The following ELFN1 variants were observed in gnomAD, a reference collection of about 807,000 sequenced individuals.
ELFN1 encodes protein ELFN1.
ELFN1 carries 6 observed loss-of-function variants against 7.6 expected under a neutral mutation model. The observed-to-expected ratio is 0.79, with a 90% CI of 0.43 to 1.56. ELFN1 has a LOEUF of 1.56. ELFN1 is among the 40% of genes most tolerant of loss of function. ELFN1 has a pLI of 0.01. For missense variants in ELFN1, 1,169 were observed against 1,232.2 expected (o/e 0.95, Z 0.77); for synonymous variants, 657 against 588.1 (o/e 1.12, Z -1.70).
intron 2 of ELFN1, chr7:1,693,585 C>T: frequency 2.1e-6 from 1 of 471,220 alleles, no homozygotes; most frequent in Non-Finnish European, 4.4e-6. Context: ...TGCACATCTG[C>T]AGAGGGGTCG....
intron 3 of ELFN1, among the ~76,000 whole-genome samples, chr7:1,729,837 A>T (rs56055450): frequency 0.14 from 21,394 of 152,208 alleles, 1,915 homozygotes; most frequent in South Asian, 0.26. Context: ...CTGAGATTGC[A>T]GTTTATTCAT....
At chr7:1,732,902 T>C (rs1780353724) in intron 3 of ELFN1, among the ~76,000 whole-genome samples, 1 of 152,066 alleles carries the variant, frequency 6.6e-6, no homozygotes, top group South Asian at 2.1e-4. Context: ...TCATTTTTCT[T>C]TTCTTTTTTC....
At chr7:1,675,908 G>A (rs973773629) in intron 1 of ELFN1, among the ~76,000 whole-genome samples, 5 of 152,194 alleles carry the variant, frequency 3.3e-5, no homozygotes, top group African/African-American at 9.7e-5. Context: ...CTGCCATCTC[G>A]ACCTCCACGG....
At chr7:1,668,912 TG>T (rs1470546261), upstream of ELFN1, among the ~76,000 whole-genome samples, 3 of 152,140 alleles carry the variant, frequency 2.0e-5, no homozygotes. Flanking sequence ...CATGAAATCG[TG>T]GGGGCGCACT....
intron 3 of ELFN1, among the ~76,000 whole-genome samples, chr7:1,720,270 AAGACGAAGATGGGAACAGCCGGTGGGC>A (rs1366847861): frequency 1.1e-4 from 16 of 152,178 alleles, no homozygotes; most frequent in Non-Finnish European, 2.2e-4. Context: ...CTCCAGTGGG[AAGACGAAGATGGGAACAGCCGGTGGGC>A]AGACGTCTCC....
At chr7:1,666,178 G>T (rs1778668222), upstream of ELFN1, among the ~76,000 whole-genome samples, 1 of 151,950 alleles carries the variant, frequency 6.6e-6, no homozygotes, top group South Asian at 2.1e-4. This position sits in a 1 kb window ranked among gnomAD's most constrained non-coding sequence, Gnocchi z 7.9. Flanking sequence ...CAGGTAAGAA[G>T]GGGCCTGAGG....
At chr7:1,698,898 C>A (rs753875614) in intron 2 of ELFN1, among the ~76,000 whole-genome samples, 6 of 152,130 alleles carry the variant, frequency 3.9e-5, no homozygotes, top group South Asian at 2.1e-4. Flanking sequence ...CAAAACCAGC[C>A]CCCCGTGTCA....
At chr7:1,742,569 C>T (rs1400435683) in intron 3 of ELFN1, among the ~76,000 whole-genome samples, 1 of 152,228 alleles carries the variant, frequency 6.6e-6, no homozygotes, top group African/African-American at 2.4e-5. Context: ...GTGGATTTCA[C>T]ATCCAACCGG....
rs1779091359 is a variant in ELFN1, at chr7:1,688,079, C to T, written c.-527C>T. 6.9e-6 allele frequency: 1 copy of T among 145,626 alleles called. No homozygotes were observed. Among genetic ancestry groups the T allele is most frequent in the South Asian group, 2.2e-4 (1 of 4,588 alleles). The allele number at this position is 145,626 out of a possible 1,614,324, so 9.0% of individuals were successfully genotyped here. A position where few individuals can be genotyped will look rare whatever the true frequency, so the allele number is the denominator to read the frequency against. On this transcript the variant is annotated 5_prime_UTR_variant, in exon 2 of 4. Transcript: ENST00000424383. ...GTAGAGACAGAGTCTCCCTGTGTTG[C>T]CCAGACGGGTCTCAAATTCCTGGAC...
At chr7:1,709,592 G>A (rs1779607785) in intron 3 of ELFN1, among the ~76,000 whole-genome samples, 1 of 152,244 alleles carries the variant, frequency 6.6e-6, no homozygotes, top group Non-Finnish European at 1.5e-5. Context: ...GAGGATTAGA[G>A]GAGACTTCAT....
intron 2 of ELFN1, among the ~76,000 whole-genome samples, chr7:1,697,574 C>T (rs546501542): frequency 2.0e-4 from 31 of 152,332 alleles, no homozygotes; most frequent in African/African-American, 7.0e-4. Flanking sequence ...TTCTCGTCCA[C>T]GCACCCAGGG....
At chr7:1,719,357 G>A (rs1363124647) in intron 3 of ELFN1, among the ~76,000 whole-genome samples, 3 of 135,812 alleles carry the variant, frequency 2.2e-5, no homozygotes, top group Non-Finnish European at 3.1e-5. Flanking sequence ...ACAGGGCCCC[G>A]CCCACCAACA....
intron 3 of ELFN1, among the ~76,000 whole-genome samples, chr7:1,738,173 AG>A (rs1425465085): frequency 3.3e-5 from 5 of 151,952 alleles, no homozygotes; most frequent in Admixed American, 3.3e-4. Flanking sequence ...CAGACCACGG[AG>A]GGCGCGTGGT....
At chr7:1,728,862 T>G (rs1364922080) in intron 3 of ELFN1, among the ~76,000 whole-genome samples, 2 of 152,126 alleles carry the variant, frequency 1.3e-5, no homozygotes, top group African/African-American at 4.8e-5. Flanking sequence ...GTCCAGCGTG[T>G]TCACAAACAC....
chr7:1,683,391 A>G (rs1343780300), intron 1 of ELFN1, among the ~76,000 whole-genome samples: 1 of 152,068 alleles, frequency 6.6e-6, no homozygotes, highest in African/African-American at 2.4e-5. Context: ...TTCTCACTAA[A>G]CCAGTTTTGA....
intron 1 of ELFN1, among the ~76,000 whole-genome samples, chr7:1,677,661 C>A (rs997533870): frequency 6.6e-6 from 1 of 152,084 alleles, no homozygotes; most frequent in Non-Finnish European, 1.5e-5. Context: ...CCACCCCTTT[C>A]CCCTCTTGGA....
rs188956242 is a variant in ELFN1, at chr7:1,708,053, G to A, written c.-455-1038G>A. Reference sequence around the variant, plus strand: ...AACCTCGCGAACCCCTTTGCACCTAGAACCCCCCTTTGTCTTGCAGACACT... The same window carrying A: ...AACCTCGCGAACCCCTTTGCACCTAAAACCCCCCTTTGTCTTGCAGACACT... On this transcript the variant is annotated intron_variant, in intron 2 of 3. Coordinates refer to ENST00000424383, the MANE Select transcript of ELFN1 (RefSeq NM_001128636.4). Among the ~76,000 whole-genome samples, 235 of 151,458 alleles carry A rather than the reference G, an allele frequency of 1.6e-3. No homozygotes were observed. The Middle Eastern group carries it at 0.017, about 11-fold the overall frequency.
upstream of ELFN1, among the ~76,000 whole-genome samples, chr7:1,670,119 G>A (rs1778733388): frequency 6.7e-6 from 1 of 148,654 alleles, no homozygotes; most frequent in African/African-American, 2.5e-5. This position sits in a 1 kb window ranked among gnomAD's most constrained non-coding sequence, Gnocchi z 6.4. Flanking sequence ...GGAAGGGAGC[G>A]CGCAGGCGGG....
At chr7:1,729,857 T>A (rs1451031343) in intron 3 of ELFN1, among the ~76,000 whole-genome samples, 3 of 152,252 alleles carry the variant, frequency 2.0e-5, no homozygotes, top group Admixed American at 2.0e-4. Flanking sequence ...TTTTGTATTG[T>A]CTGTGCCCTC....
Sources: gnomAD v4.1 joint callset for allele counts (sites outside exome capture counted in the v4.1 genomes callset) on GRCh38, gnomAD v4.1.1 for gene constraint, Gnocchi (gnomAD v3.1) non-coding constraint, MANE v1.5 for transcripts, NCBI Gene and HGNC (gene_info 2026-07-23, HGNC 2026-07-21) for gene names.